The following C1orf21 variants were observed in gnomAD, a reference collection of about 807,000 sequenced individuals.
C1orf21 encodes uncharacterized protein C1orf21.
Under a neutral mutation model 18.7 loss-of-function variants are expected in C1orf21, and 3 were observed. The ratio of observed to expected loss-of-function variants is 0.16; its 90% CI spans 0.07 to 0.42. The LOEUF (loss-of-function observed/expected upper bound fraction) is 0.42, where lower values mean the gene tolerates loss of function less well. Ranked by LOEUF, C1orf21 falls within the 10% of genes least tolerant of loss-of-function variation. The pLI is 0.99. For missense variants in C1orf21, 104 were observed against 143.6 expected (o/e 0.72, Z 1.41); for synonymous variants, 41 against 46.4 (o/e 0.88, Z 0.47).
intron 1 of C1orf21, among the ~76,000 whole-genome samples, chr1:184,398,430 C>A (rs1656097100): frequency 6.6e-6 from 1 of 152,198 alleles, no homozygotes; most frequent in Non-Finnish European, 1.5e-5. Flanking sequence ...CAACTCCCAG[C>A]CAGTTCTGTT....
chr1:184,532,716 C>A (rs1162218157), intron 3 of C1orf21, among the ~76,000 whole-genome samples: 1 of 152,180 alleles, frequency 6.6e-6, no homozygotes, highest in Non-Finnish European at 1.5e-5. Context: ...CACTGCACTT[C>A]AGCCTAAGCA....
At chr1:184,399,428 T>G (rs2101956274) in intron 1 of C1orf21, among the ~76,000 whole-genome samples, 1 of 149,950 alleles carries the variant, frequency 6.7e-6, no homozygotes, top group East Asian at 2.0e-4. Flanking sequence ...AATGCTGTGA[T>G]CTCGGCTCAC....
At chr1:184,596,584 A>G (rs970289020) in intron 4 of C1orf21, among the ~76,000 whole-genome samples, 1 of 152,166 alleles carries the variant, frequency 6.6e-6, no homozygotes, top group African/African-American at 2.4e-5. Flanking sequence ...AGAGAAAGAG[A>G]TCTGGCCAGG....
At chr1:184,581,980 A>G (rs1228506832) in intron 3 of C1orf21, among the ~76,000 whole-genome samples, 1 of 152,216 alleles carries the variant, frequency 6.6e-6, no homozygotes, top group Non-Finnish European at 1.5e-5. Context: ...ATCTCTGTGG[A>G]CAGGTAATTG....
chr1:184,488,761 T>G (rs936321178), intron 2 of C1orf21, among the ~76,000 whole-genome samples: 2 of 152,216 alleles, frequency 1.3e-5, no homozygotes, highest in African/African-American at 4.8e-5. Flanking sequence ...GCTCAGGAGT[T>G]CGCAACCAGC....
In C1orf21 at chr1:184,449,247, T is replaced by C. The variant is rs1657082208; in HGVS notation, c.-124-28139T>C. Among the ~76,000 whole-genome samples, 6 of 147,112 alleles carry C rather than the reference T, an allele frequency of 4.1e-5. No individual in the cohort carries two copies. In the South Asian group the frequency reaches 1.4e-3, roughly 33 times the overall value. On this transcript the variant is annotated intron_variant, in intron 1 of 5. Coordinates refer to ENST00000235307, the MANE Select transcript of C1orf21 (RefSeq NM_030806.4). Reference sequence around the variant, plus strand: ...CCGGTGTGTGATGTCCCCCTTCCTGTGTCCATGTGTTCTCATTGTTCAGTT... The same window carrying C: ...CCGGTGTGTGATGTCCCCCTTCCTGCGTCCATGTGTTCTCATTGTTCAGTT...
intron 3 of C1orf21, among the ~76,000 whole-genome samples, chr1:184,510,284 A>G (rs1238140541): frequency 2.0e-5 from 3 of 152,232 alleles, no homozygotes; most frequent in Non-Finnish European, 4.4e-5. Flanking sequence ...TTCAACAAAT[A>G]TTTGATTGCC....
Position 184,548,368 on chromosome 1 carries a change from G to C in C1orf21, c.189+40686G>C, listed in dbSNP as rs142278495. On this transcript the variant is annotated intron_variant, in intron 3 of 5. Transcript: ENST00000235307. ...CTGACCCACCTCAGTGTTTCAGTGG[G>C]AACTTGCATTTATTCATTCATTTTA... Among the ~76,000 whole-genome samples the C allele has an allele frequency of 1.0e-2, 1,448 of 144,880 alleles. 25 individuals carry two copies. Among genetic ancestry groups the C allele is most frequent in the African/African-American group, 0.033 (1,343 of 40,316 alleles).
At chr1:184,546,400 A>C (rs1401421398) in intron 3 of C1orf21, among the ~76,000 whole-genome samples, 1 of 152,152 alleles carries the variant, frequency 6.6e-6, no homozygotes, top group East Asian at 1.9e-4. Context: ...GCACTGCTGC[A>C]CTCCAGCCTG....
chr1:184,603,023 AG>A (rs1659605310), intron 5 of C1orf21, among the ~76,000 whole-genome samples: 1 of 152,238 alleles, frequency 6.6e-6, no homozygotes, highest in South Asian at 2.1e-4. Flanking sequence ...AAAGTTACAA[AG>A]ACTCTCCCTA....
intron 1 of C1orf21, among the ~76,000 whole-genome samples, chr1:184,419,263 G>T (rs985981580): frequency 1.3e-5 from 2 of 152,200 alleles, no homozygotes; most frequent in African/African-American, 2.4e-5. Flanking sequence ...AAGATAAAAT[G>T]AGAAGACATG....
chr1:184,613,410 G>A (rs1659770060), intron 5 of C1orf21, among the ~76,000 whole-genome samples: 1 of 152,202 alleles, frequency 6.6e-6, no homozygotes, highest in Admixed American at 6.5e-5. Flanking sequence ...TGGGATTCTA[G>A]TATCAACTTT....
At chr1:184,455,570 T>A (rs1205860085) in intron 1 of C1orf21, among the ~76,000 whole-genome samples, 1 of 152,178 alleles carries the variant, frequency 6.6e-6, no homozygotes, top group Non-Finnish European at 1.5e-5. Flanking sequence ...AGGTGTTTTT[T>A]CCCTTTGGGG....
At chr1:184,590,859 A>G in intron 4 of C1orf21, 44 bp downstream of exon 4, 1 of 1,475,598 alleles carries the variant, frequency 6.8e-7, no homozygotes, top group Non-Finnish European at 9.5e-7. Flanking sequence ...GGCCTTCCAT[A>G]TCCATGGATT....
chr1:184,571,578 A>T (rs1386946385), intron 3 of C1orf21, among the ~76,000 whole-genome samples: 1 of 152,132 alleles, frequency 6.6e-6, no homozygotes, highest in Non-Finnish European at 1.5e-5. Context: ...GAGACACTTC[A>T]TCCCTTTCCA....
At chr1:184,445,078 G>C (rs1382402218) in intron 1 of C1orf21, among the ~76,000 whole-genome samples, 1 of 152,188 alleles carries the variant, frequency 6.6e-6, no homozygotes, top group African/African-American at 2.4e-5. Flanking sequence ...TCTCAGTAGA[G>C]ACAACGGTTG....
At chr1:184,614,994 TA>T (rs1186673904) in intron 5 of C1orf21, among the ~76,000 whole-genome samples, 1 of 152,206 alleles carries the variant, frequency 6.6e-6, no homozygotes, top group Non-Finnish European at 1.5e-5. Context: ...TTGTCTATTT[TA>T]AACCTGTGGA....
intron 2 of C1orf21, among the ~76,000 whole-genome samples, chr1:184,483,712 C>A (rs1657690267): frequency 6.6e-6 from 1 of 152,132 alleles, no homozygotes; most frequent in South Asian, 2.1e-4. Context: ...TTGTTTGTTC[C>A]TTTGCTTGTT....
At chr1:184,532,722 A>G (rs1444934411) in intron 3 of C1orf21, among the ~76,000 whole-genome samples, 1 of 152,178 alleles carries the variant, frequency 6.6e-6, no homozygotes, top group African/African-American at 2.4e-5. Flanking sequence ...ACTTCAGCCT[A>G]AGCAACAAAT....
Sources: gnomAD v4.1 joint callset for allele counts (sites outside exome capture counted in the v4.1 genomes callset) on GRCh38, gnomAD v4.1.1 for gene constraint, MANE v1.5 for transcripts, NCBI Gene and HGNC (gene_info 2026-07-23, HGNC 2026-07-21) for gene names.